The following KRABD5 variants were observed in gnomAD, a reference collection of about 807,000 sequenced individuals.
The protein encoded by KRABD5 is KRAB domain containing 5.
At chr16:31,742,720 C>T in the KRABD5 span, among the ~76,000 whole-genome samples, 1 of 152,290 alleles carries the variant, frequency 6.6e-6, no homozygotes. Context: ...GATTCTCGAT[C>T]CTTGAGGAAT....
At chr16:31,735,402 G>A in the KRABD5 span, among the ~76,000 whole-genome samples, 3 of 152,030 alleles carry the variant, frequency 2.0e-5, no homozygotes, top group African/African-American at 7.2e-5. Context: ...TTGACACGTT[G>A]ATTTCCTTTC....
chr16:31,744,594 T>A, the KRABD5 span, among the ~76,000 whole-genome samples: 1 of 152,204 alleles, frequency 6.6e-6, no homozygotes, highest in Non-Finnish European at 1.5e-5. Flanking sequence ...CTTTTTTTGT[T>A]GTCTCTCTTC....
the KRABD5 span, chr16:31,713,458 C>A: frequency 1.7e-5 from 28 of 1,600,662 alleles, no homozygotes; most frequent in Admixed American, 5.1e-5. Flanking sequence ...GGTCGGGGGT[C>A]CCCAGAAGAG....
At chr16:31,731,418 G>A in the KRABD5 span, among the ~76,000 whole-genome samples, 11 of 152,214 alleles carry the variant, frequency 7.2e-5, no homozygotes, top group African/African-American at 2.7e-4. Flanking sequence ...AATTGTAGTT[G>A]TTTCTGCAGA....
the KRABD5 span, among the ~76,000 whole-genome samples, chr16:31,737,704 G>A: frequency 6.6e-6 from 1 of 152,070 alleles, no homozygotes. Context: ...ACTGTTTTGA[G>A]TACAATAGCT....
the KRABD5 span, among the ~76,000 whole-genome samples, chr16:31,731,895 AG>A: frequency 6.6e-6 from 1 of 152,122 alleles, no homozygotes; most frequent in Non-Finnish European, 1.5e-5. Flanking sequence ...TTTTTTCCTG[AG>A]GGTCTCTGTG....
chr16:31,753,677 C>T, the KRABD5 span: 10 of 1,253,138 alleles, frequency 8.0e-6, no homozygotes, highest in Non-Finnish European at 1.1e-5. Flanking sequence ...ATGGTGTTCT[C>T]AACGTGATAT....
the KRABD5 span, among the ~76,000 whole-genome samples, chr16:31,718,772 T>C: frequency 6.6e-6 from 1 of 152,212 alleles, no homozygotes; most frequent in East Asian, 1.9e-4. Flanking sequence ...GAGTCTCTCC[T>C]GCCCAAATCA....
chr16:31,717,275 C>T, the KRABD5 span, among the ~76,000 whole-genome samples: 10 of 152,202 alleles, frequency 6.6e-5, no homozygotes, highest in South Asian at 2.1e-4. Flanking sequence ...GGATTACAGG[C>T]GTGAGCCACT....
At chr16:31,730,308 C>T in the KRABD5 span, among the ~76,000 whole-genome samples, 10 of 151,968 alleles carry the variant, frequency 6.6e-5, no homozygotes, top group Admixed American at 2.0e-4. Flanking sequence ...GTATAGCCTA[C>T]TTAGTTGTCT....
the KRABD5 span, among the ~76,000 whole-genome samples, chr16:31,739,712 A>G: frequency 6.6e-6 from 1 of 152,220 alleles, no homozygotes; most frequent in African/African-American, 2.4e-5. Context: ...ACAGGCCCCC[A>G]AATCTGGCCA....
the KRABD5 span, among the ~76,000 whole-genome samples, chr16:31,718,144 T>C: frequency 6.6e-6 from 1 of 152,178 alleles, no homozygotes; most frequent in East Asian, 1.9e-4. Flanking sequence ...GTGCCACTTC[T>C]CTGCCCCTCC....
chr16:31,760,843 C>T, the KRABD5 span: 1 of 152,104 alleles, frequency 6.6e-6, no homozygotes, highest in Non-Finnish European at 1.5e-5. Context: ...TAATGTTGGG[C>T]CTTGATTTCC....
chr16:31,751,700 A>T, the KRABD5 span, among the ~76,000 whole-genome samples: 2 of 152,054 alleles, frequency 1.3e-5, no homozygotes, highest in Non-Finnish European at 2.9e-5. Flanking sequence ...AATCTCGTTT[A>T]CCCTTTCAAA....
the KRABD5 span, among the ~76,000 whole-genome samples, chr16:31,746,826 T>G: frequency 6.6e-6 from 1 of 152,122 alleles, no homozygotes; most frequent in Non-Finnish European, 1.5e-5. Flanking sequence ...TTTATTATTT[T>G]TTTCTCTAGT....
At chr16:31,720,642 TCAGTG>T in the KRABD5 span, among the ~76,000 whole-genome samples, 3 of 152,336 alleles carry the variant, frequency 2.0e-5, no homozygotes, top group Admixed American at 2.0e-4. Flanking sequence ...TATGGGTCCA[TCAGTG>T]CGTGAGCATT....
At chr16:31,746,365 C>T in the KRABD5 span, among the ~76,000 whole-genome samples, 23 of 152,234 alleles carry the variant, frequency 1.5e-4, no homozygotes, top group South Asian at 8.3e-4. Context: ...ATTTCTCCTT[C>T]GCTTTTGTAG....
At chr16:31,755,241 T>C in the KRABD5 span, 3 of 480,610 alleles carry the variant, frequency 6.2e-6, no homozygotes, top group East Asian at 6.5e-5. Flanking sequence ...AGCAAATCTT[T>C]TTCTCGTTCC....
the KRABD5 span, chr16:31,757,837 GGT>G: frequency 7.2e-6 from 1 of 139,122 alleles, no homozygotes; most frequent in African/African-American, 3.0e-5. Flanking sequence ...TAGGTAGGTA[GGT>G]AGGTAGGTAG....
Sources: gnomAD v4.1 joint callset for allele counts (sites outside exome capture counted in the v4.1 genomes callset) on GRCh38, gnomAD v4.1.1 for gene constraint, MANE v1.5 for transcripts, NCBI Gene and HGNC (gene_info 2026-07-23, HGNC 2026-07-21) for gene names.